Variants in PIP5K1B observed in about 807,000 individuals in gnomAD.
PIP5K1B encodes phosphatidylinositol-4-phosphate 5-kinase type 1 beta, also known as phosphatidylinositol 4-phosphate 5-kinase type-1 beta.
PIP5K1B carries 42 observed loss-of-function variants against 67.0 expected under a neutral mutation model. The ratio of observed to expected loss-of-function variants is 0.63; its 90% CI spans 0.49 to 0.81. The LOEUF is 0.81. Among genes scored for constraint, PIP5K1B ranks in the 30% least tolerant of loss-of-function variants. The pLI is 0.00. For missense variants in PIP5K1B, 459 were observed against 646.3 expected, an observed-to-expected ratio of 0.71 and a Z score of 3.14; for synonymous variants, 214 against 231.4, an observed-to-expected ratio of 0.92 and a Z score of 0.68.
At chr9:68,999,384 C>T (rs145057440) in intron 15 of PIP5K1B, among the ~76,000 whole-genome samples, 75 of 152,294 alleles carry the variant, frequency 4.9e-4, no homozygotes, top group African/African-American at 1.7e-3. Context: ...CACATAGCCT[C>T]GTTTTCTTGT....
At chr9:68,840,292 G>A (rs768216853) in intron 4 of PIP5K1B, among the ~76,000 whole-genome samples, 4 of 151,746 alleles carry the variant, frequency 2.6e-5, no homozygotes, top group Non-Finnish European at 4.4e-5. Flanking sequence ...CAGGAGAATC[G>A]CTTGAACCCA....
chr9:68,746,239 T>A (rs1043748408), intron 2 of PIP5K1B, among the ~76,000 whole-genome samples: 2 of 151,938 alleles, frequency 1.3e-5, no homozygotes, highest in East Asian at 3.9e-4. Flanking sequence ...TCACCATGCC[T>A]GGCTAATTTT....
chr9:68,789,165 G>A (rs1831813016), intron 2 of PIP5K1B: 1 of 574,002 alleles, frequency 1.7e-6, no homozygotes, highest in South Asian at 1.5e-5. Flanking sequence ...ACCTCGCCAA[G>A]GCACCATTGA....
intron 2 of PIP5K1B, among the ~76,000 whole-genome samples, chr9:68,769,607 TTAAA>T (rs1237782536): frequency 2.0e-5 from 3 of 152,218 alleles, no homozygotes; most frequent in African/African-American, 7.2e-5. Flanking sequence ...TTTATAGACT[TTAAA>T]TAAATAAATA....
intron 14 of PIP5K1B, among the ~76,000 whole-genome samples, chr9:68,972,337 T>C (rs1829413865): frequency 6.6e-6 from 1 of 152,210 alleles, no homozygotes; most frequent in Non-Finnish European, 1.5e-5. Context: ...TTCTGTTCCA[T>C]TGGTGTATAT....
intron 4 of PIP5K1B, among the ~76,000 whole-genome samples, chr9:68,851,923 A>C (rs780955687): frequency 2.1e-4 from 32 of 152,238 alleles, no homozygotes; most frequent in Non-Finnish European, 4.1e-4. Flanking sequence ...TGTGCTATGA[A>C]TGAGTCATTG....
intron 14 of PIP5K1B, among the ~76,000 whole-genome samples, chr9:68,978,867 C>T (rs896749012): frequency 6.6e-6 from 1 of 152,144 alleles, no homozygotes; most frequent in Non-Finnish European, 1.5e-5. Flanking sequence ...AGACGTGACC[C>T]GAAGGGCTTT....
intron 6 of PIP5K1B, among the ~76,000 whole-genome samples, chr9:68,880,076 A>G (rs1824103112): frequency 6.8e-6 from 1 of 147,260 alleles, no homozygotes; most frequent in Admixed American, 6.7e-5. Flanking sequence ...CCCCCCTACA[A>G]AAAGAAAAAT....
intron 11 of PIP5K1B, among the ~76,000 whole-genome samples, chr9:68,923,006 AT>A (rs1465614843): frequency 2.6e-5 from 4 of 152,076 alleles, no homozygotes; most frequent in Non-Finnish European, 5.9e-5. Flanking sequence ...CTGGGACACA[AT>A]GTTATGAATA....
chr9:68,806,963 T>G (rs1313918234), intron 2 of PIP5K1B, among the ~76,000 whole-genome samples: 6 of 152,004 alleles, frequency 3.9e-5, no homozygotes, highest in African/African-American at 1.4e-4. Context: ...TTTTTTTGCT[T>G]TTTAATTTTT....
rs1831197057 is a variant in PIP5K1B at position 69,008,625 on chromosome 9, G to A, written c.*176G>A. On this transcript the variant is annotated 3_prime_UTR_variant, in exon 16 of 16. Transcript: ENST00000265382. ...TCAACTTCAGGCTGATCAGCAGATG[G>A]GATGTGAAAAATACTACCCTATTCT... 3.0e-6 allele frequency: 2 copies of A among 663,926 alleles called. No individual in the cohort carries two copies. Among genetic ancestry groups the A allele is most frequent in the South Asian group, 3.2e-5 (2 of 61,542 alleles). 41.1% of individuals were successfully genotyped at this position (663,926 alleles called of 1,614,324 possible). A position where few individuals can be genotyped will look rare whatever the true frequency, so the allele number is the denominator to read the frequency against.
At chr9:68,948,077 C>G (rs1201678784) in intron 14 of PIP5K1B, among the ~76,000 whole-genome samples, 1 of 152,304 alleles carries the variant, frequency 6.6e-6, no homozygotes, top group Admixed American at 6.5e-5. Flanking sequence ...TAGTCTGGAG[C>G]AAACACAGAA....
chr9:68,946,619 C>T (rs575097119), intron 14 of PIP5K1B, among the ~76,000 whole-genome samples: 1 of 152,184 alleles, frequency 6.6e-6, no homozygotes, highest in Non-Finnish European at 1.5e-5. Flanking sequence ...TGGTCTCGAT[C>T]TCCTGACCTC....
chr9:68,976,148 G>A (rs1170850584), intron 14 of PIP5K1B, among the ~76,000 whole-genome samples: 2 of 152,190 alleles, frequency 1.3e-5, no homozygotes, highest in African/African-American at 2.4e-5. Context: ...CACTATCCAT[G>A]GGAATTATGC....
At chr9:68,984,271 C>T (rs1363822260) in intron 14 of PIP5K1B, among the ~76,000 whole-genome samples, 1 of 152,204 alleles carries the variant, frequency 6.6e-6, no homozygotes, top group African/African-American at 2.4e-5. Context: ...AAAGCTTATG[C>T]TCTGCCTGTT....
intron 4 of PIP5K1B, among the ~76,000 whole-genome samples, chr9:68,850,589 A>G (rs952975996): frequency 6.6e-6 from 1 of 152,198 alleles, no homozygotes; most frequent in Non-Finnish European, 1.5e-5. Flanking sequence ...GACAACCAGT[A>G]ACATCCGCTA....
chr9:68,802,548 G>A lies in PIP5K1B; in HGVS notation c.-85-15913G>A, dbSNP rs141260520. Among the ~76,000 whole-genome samples the A allele has an allele frequency of 1.4e-4, 21 of 152,320 alleles. No individual in the cohort carries two copies. The East Asian group carries it at 3.9e-3, about 28-fold the overall frequency. On this transcript the variant is annotated intron_variant, in intron 2 of 15. Coordinates refer to ENST00000265382, the MANE Select transcript of PIP5K1B (RefSeq NM_003558.4). ...GAGGATTACAATATAGTCAGTAAGT[G>A]TCACAATAGAGTTAGTCCCAGAGCA...
intron 8 of PIP5K1B, among the ~76,000 whole-genome samples, chr9:68,905,244 T>C (rs1370264965): frequency 6.6e-6 from 1 of 151,692 alleles, no homozygotes; most frequent in African/African-American, 2.4e-5. Context: ...ATCCTGGGAG[T>C]GCAGAGAGGA....
At chr9:68,939,583 C>T (rs190152052) in intron 13 of PIP5K1B, among the ~76,000 whole-genome samples, 1 of 152,302 alleles carries the variant, frequency 6.6e-6, no homozygotes, top group East Asian at 1.9e-4. Flanking sequence ...ATATGACGAT[C>T]ATCTTTTATC....
Sources: allele counts gnomAD v4.1 joint callset (sites outside exome capture counted in the v4.1 genomes callset), GRCh38; gene constraint gnomAD v4.1.1; transcripts MANE v1.5; gene names NCBI Gene and HGNC (gene_info 2026-07-23, HGNC 2026-07-21).